The following MYO1B variants were observed in gnomAD, a reference collection of about 807,000 sequenced individuals.
MYO1B encodes the protein unconventional myosin-Ib.
Under a neutral mutation model 159.7 loss-of-function variants are expected in MYO1B, and 72 were observed. The ratio of observed to expected loss-of-function variants is 0.45; its 90% CI spans 0.37 to 0.55. The LOEUF is 0.55. MYO1B is among the 20% of genes least tolerant of loss of function. The pLI, the probability that MYO1B is intolerant of heterozygous loss-of-function variation, is 0.00. For synonymous variants in MYO1B, 468 were observed against 473.8 expected, an observed-to-expected ratio of 0.99 and a Z score of 0.16; for missense variants, 1,062 against 1,364.8, an observed-to-expected ratio of 0.78 and a Z score of 3.50.
intron 4 of MYO1B, among the ~76,000 whole-genome samples, chr2:191,337,619 T>C (rs1691940429): frequency 6.6e-6 from 1 of 152,146 alleles, no homozygotes; most frequent in Admixed American, 6.5e-5. Context: ...TTGATGAATT[T>C]TAAGATTCAA....
intron 20 of MYO1B, among the ~76,000 whole-genome samples, chr2:191,393,989 C>A (rs920330829): frequency 6.6e-6 from 1 of 152,166 alleles, no homozygotes; most frequent in Non-Finnish European, 1.5e-5. Context: ...CATAAAGAGA[C>A]TTTGCTATAG....
At chr2:191,382,492 C>T (rs759132438) in intron 14 of MYO1B, among the ~76,000 whole-genome samples, 81 of 152,266 alleles carry the variant, frequency 5.3e-4, no homozygotes, top group Middle Eastern at 3.4e-3. Flanking sequence ...TCTAAAAGCA[C>T]GATTCATTCT....
At chr2:191,366,228 A>G (rs1694002726) in intron 11 of MYO1B, among the ~76,000 whole-genome samples, 1 of 152,186 alleles carries the variant, frequency 6.6e-6, no homozygotes, top group African/African-American at 2.4e-5. Context: ...TGCTTTTTTA[A>G]TCATCCTGTA....
chr2:191,390,727 A>G (rs1695695044), intron 18 of MYO1B, among the ~76,000 whole-genome samples: 1 of 152,184 alleles, frequency 6.6e-6, no homozygotes, highest in South Asian at 2.1e-4. Context: ...TGCCCAAGGT[A>G]GGTTCGTAGG....
chr2:191,284,481 C>T (rs563375927), intron 2 of MYO1B, among the ~76,000 whole-genome samples: 3 of 152,118 alleles, frequency 2.0e-5, no homozygotes, highest in Non-Finnish European at 2.9e-5. Context: ...AAATGGTCAT[C>T]GTGGTACTTA....
intron 26 of MYO1B, 122 bp downstream of exon 26, chr2:191,409,300 C>T (rs1697120114): frequency 8.7e-7 from 1 of 1,151,378 alleles, no homozygotes; most frequent in Admixed American, 2.5e-5. Flanking sequence ...TACTTGAGGA[C>T]TTTGGTGATT....
At chr2:191,351,658 AG>A (rs1692934234) in intron 7 of MYO1B, among the ~76,000 whole-genome samples, 1 of 152,150 alleles carries the variant, frequency 6.6e-6, no homozygotes, top group Non-Finnish European at 1.5e-5. Flanking sequence ...AGACTGAGGC[AG>A]GGGGATCACC....
chr2:191,300,655 T>TTTTTTTTTTTTTTG (rs61260117), intron 3 of MYO1B, among the ~76,000 whole-genome samples: 1 of 145,136 alleles, frequency 6.9e-6, no homozygotes, highest in Non-Finnish European at 1.5e-5. Context: ...TTTTTTTTTT[T>TTTTTTTTTTTTTTG]AAGAGATGAG....
intron 2 of MYO1B, among the ~76,000 whole-genome samples, chr2:191,282,385 G>A (rs1203610790): frequency 6.6e-6 from 1 of 152,222 alleles, no homozygotes; most frequent in Non-Finnish European, 1.5e-5. Context: ...TCATGGTGGT[G>A]GTGGTGGAGA....
intron 2 of MYO1B, among the ~76,000 whole-genome samples, chr2:191,288,778 GC>G (rs1688531841): frequency 1.3e-5 from 2 of 152,132 alleles, no homozygotes. Context: ...CTGAATCCTG[GC>G]CCATCCTGGA....
At chr2:191,246,691 A>G (rs1470381486) in intron 1 of MYO1B, among the ~76,000 whole-genome samples, 3 of 152,302 alleles carry the variant, frequency 2.0e-5, no homozygotes, top group East Asian at 1.9e-4. Context: ...TATAGAATCA[A>G]TTTTGACGTA....
chr2:191,360,056 A>G (rs2138914), intron 7 of MYO1B, among the ~76,000 whole-genome samples: 52,165 of 152,068 alleles, frequency 0.34, 9,563 homozygotes, highest in South Asian at 0.49. Flanking sequence ...TGCTTCTCCC[A>G]GGTAGTGGGG....
At chr2:191,292,058 A>G (rs1425430177) in intron 2 of MYO1B, among the ~76,000 whole-genome samples, 2 of 152,206 alleles carry the variant, frequency 1.3e-5, no homozygotes, top group Non-Finnish European at 2.9e-5. Flanking sequence ...GAAATCCATA[A>G]ACAGAAAGGG....
chr2:191,301,773 T>G (rs1689348099), intron 3 of MYO1B, among the ~76,000 whole-genome samples: 1 of 152,230 alleles, frequency 6.6e-6, no homozygotes, highest in African/African-American at 2.4e-5. Flanking sequence ...ACTGTGACAG[T>G]GCACCTTCAG....
intron 3 of MYO1B, among the ~76,000 whole-genome samples, chr2:191,329,619 A>G (rs1004249787): frequency 6.8e-6 from 1 of 147,684 alleles, no homozygotes; most frequent in African/African-American, 2.5e-5. Flanking sequence ...TAAATTTTAT[A>G]TAAATTTATT....
At chr2:191,381,837 A>G (rs543505981) in intron 14 of MYO1B, among the ~76,000 whole-genome samples, 2 of 152,324 alleles carry the variant, frequency 1.3e-5, no homozygotes, top group South Asian at 4.1e-4. Context: ...GCTTGACATT[A>G]TACATTTGCC....
intron 30 of MYO1B, 42 bp downstream of exon 30, chr2:191,416,284 CT>C (rs1362019600): frequency 1.2e-6 from 2 of 1,612,116 alleles, no homozygotes. Flanking sequence ...TCTCTTTCAG[CT>C]TTTTTGTTTT....
At chr2:191,302,851 T>G (rs1179088908) in intron 3 of MYO1B, among the ~76,000 whole-genome samples, 1 of 152,194 alleles carries the variant, frequency 6.6e-6, no homozygotes, top group Non-Finnish European at 1.5e-5. Flanking sequence ...TAAAAATGGG[T>G]AAGCAATTAG....
intron 6 of MYO1B, 43 bp downstream of exon 6, chr2:191,346,325 C>T (rs1204016356): frequency 1.2e-5 from 17 of 1,360,252 alleles, no homozygotes; most frequent in Non-Finnish European, 1.6e-5. Context: ...TAATATTTAG[C>T]TCATGTATGT....
Sources: gnomAD v4.1 joint callset for allele counts (sites outside exome capture counted in the v4.1 genomes callset) on GRCh38, gnomAD v4.1.1 for gene constraint, MANE v1.5 for transcripts, NCBI Gene and HGNC (gene_info 2026-07-23, HGNC 2026-07-21) for gene names.